DAB1: variants seen among roughly 807,000 people sequenced by gnomAD.
DAB1 encodes DAB adaptor protein 1.
A neutral mutation model predicts 64.6 loss-of-function variants in DAB1; 15 were observed. That is an observed-to-expected ratio of 0.23 (90% CI 0.16 to 0.36). The LOEUF is 0.36. Ranked by LOEUF, DAB1 falls within the 10% of genes least tolerant of loss-of-function variation. The pLI is 1.00. For missense variants in DAB1, 596 were observed against 706.7 expected (o/e 0.84, Z 1.78); for synonymous variants, 235 against 251.9 (o/e 0.93, Z 0.64).
At chr1:57,845,823 T>C (rs1177984917) in intron 1 of DAB1, among the ~76,000 whole-genome samples, 1 of 152,228 alleles carries the variant, frequency 6.6e-6, no homozygotes, top group African/African-American at 2.4e-5. Flanking sequence ...CTATAACTTT[T>C]ACCCATTGTA....
At chr1:58,518,255 AGAGGGGAGAGGAGAGAG>A (rs1646194379) in intron 2 of DAB1, among the ~76,000 whole-genome samples, 4 of 22,708 alleles carry the variant, frequency 1.8e-4, no homozygotes, top group Non-Finnish European at 2.6e-4. Context: ...GGGAGAGGGG[AGAGGGGAGAGGAGAGAG>A]GAGAGGAGAA....
chr1:57,962,471 A>T (rs1236799795), intron 5 of DAB1, among the ~76,000 whole-genome samples: 3 of 152,132 alleles, frequency 2.0e-5, no homozygotes, highest in Non-Finnish European at 4.4e-5. Flanking sequence ...TTAGAAAAAA[A>T]CTTCTTACCT....
At chr1:58,089,531 G>C (rs1271402591) in intron 5 of DAB1, among the ~76,000 whole-genome samples, 1 of 152,180 alleles carries the variant, frequency 6.6e-6, no homozygotes, top group Admixed American at 6.5e-5. Context: ...TTCTCTATTA[G>C]AAATCATGAG....
intron 3 of DAB1, among the ~76,000 whole-genome samples, chr1:57,140,125 G>A (rs1167687896): frequency 1.3e-5 from 2 of 152,122 alleles, no homozygotes; most frequent in African/African-American, 4.8e-5. Flanking sequence ...AGGCCCAGGA[G>A]ACAGCTCTGG....
intron 3 of DAB1, among the ~76,000 whole-genome samples, chr1:58,379,771 T>C (rs997276545): frequency 6.6e-6 from 1 of 152,196 alleles, no homozygotes; most frequent in African/African-American, 2.4e-5. Flanking sequence ...GGATGAGTAC[T>C]GTGGAGTAGG....
At chr1:57,661,769 A>G (rs527321502) in intron 6 of DAB1, among the ~76,000 whole-genome samples, 3 of 152,312 alleles carry the variant, frequency 2.0e-5, no homozygotes, top group East Asian at 1.9e-4. Context: ...GTTATGTTGT[A>G]TTTTAAAATT....
At chr1:57,531,327 T>A (rs1384790886) in intron 7 of DAB1, among the ~76,000 whole-genome samples, 1 of 152,076 alleles carries the variant, frequency 6.6e-6, no homozygotes, top group Non-Finnish European at 1.5e-5. Flanking sequence ...TGATTGTAAT[T>A]TTCCACTACC....
In DAB1 at chr1:57,773,903, A is replaced by C. The variant is rs532134299; in HGVS notation, n.551+110096T>G. Among the ~76,000 whole-genome samples, 403 of 152,156 alleles carry C rather than the reference A, an allele frequency of 2.6e-3. 3 individuals are homozygous for C. The highest frequency in any genetic ancestry group is 9.3e-3 in the African/African-American group (387 of 41,572). On this transcript the variant is annotated intron_variant and non_coding_transcript_variant, in intron 6 of 20. Coordinates refer to the DAB1 transcript ENST00000485760. ...TATTATGCGTTGTTACTGTAGTTTTATGAAAAGTCTTGAAATAAGGTATCG... is the reference window on the plus strand; with the variant it reads ...TATTATGCGTTGTTACTGTAGTTTTCTGAAAAGTCTTGAAATAAGGTATCG...
At chr1:57,258,576 G>A (rs182526029) in intron 2 of DAB1, among the ~76,000 whole-genome samples, 7 of 152,024 alleles carry the variant, frequency 4.6e-5, no homozygotes, top group African/African-American at 7.2e-5. Context: ...CTCCCAAATC[G>A]CTTTCCTCAT....
chr1:58,201,002 A>C (rs544453313), intron 4 of DAB1, among the ~76,000 whole-genome samples: 1 of 151,226 alleles, frequency 6.6e-6, no homozygotes, highest in South Asian at 2.1e-4. Context: ...TGAATAATGT[A>C]GTCTATTTTT....
intron 2 of DAB1, among the ~76,000 whole-genome samples, chr1:57,155,799 AT>A (rs1248045971): frequency 7.8e-6 from 1 of 128,390 alleles, no homozygotes; most frequent in African/African-American, 2.8e-5. Context: ...ATTTTATTAG[AT>A]TGCCTTTATT....
rs1644233266 is a variant in DAB1 at position 57,496,579 on chromosome 1, T to C, written n.625+153013A>G. On this transcript the variant is annotated intron_variant and non_coding_transcript_variant, in intron 7 of 20. Transcript: ENST00000485760. ...CAGGAGGCTCTCCTATTGCTGTTTTTCAAACATTAAAATAGACTCAGAAAG... is the reference window on the plus strand; with the variant it reads ...CAGGAGGCTCTCCTATTGCTGTTTTCCAAACATTAAAATAGACTCAGAAAG... 2.0e-5 allele frequency among the ~76,000 whole-genome samples: 3 copies of C among 152,188 alleles called. No individual in the cohort carries two copies. The South Asian group carries it at 6.2e-4, about 32-fold the overall frequency.
chr1:58,375,791 A>G (rs373588952), intron 3 of DAB1, among the ~76,000 whole-genome samples: 5 of 145,896 alleles, frequency 3.4e-5, no homozygotes, highest in Admixed American at 1.4e-4. Context: ...GGTAGAATTC[A>G]GCTGTGAATC....
At chr1:57,410,496 T>C (rs1047411176) in intron 1 of DAB1, among the ~76,000 whole-genome samples, 37 of 152,274 alleles carry the variant, frequency 2.4e-4, no homozygotes, top group African/African-American at 8.4e-4. Context: ...AAGAGACACA[T>C]ACCTTGGAAA....
At chr1:58,093,047 C>CT (rs1250427468) in intron 5 of DAB1, among the ~76,000 whole-genome samples, 5 of 152,214 alleles carry the variant, frequency 3.3e-5, no homozygotes, top group Non-Finnish European at 7.3e-5. Flanking sequence ...CAAACTTCCC[C>CT]TAGCCCCGAG....
chr1:57,366,615 A>G (rs1321738112), intron 1 of DAB1, among the ~76,000 whole-genome samples: 1 of 152,256 alleles, frequency 6.6e-6, no homozygotes, highest in Non-Finnish European at 1.5e-5. Flanking sequence ...TGGCTAATAC[A>G]TATGTTAAAA....
intron 7 of DAB1, among the ~76,000 whole-genome samples, chr1:57,598,273 C>T (rs563195367): frequency 9.3e-4 from 142 of 152,330 alleles, no homozygotes; most frequent in Non-Finnish European, 1.7e-3. Flanking sequence ...TGAGCCACGG[C>T]GCCCAGCCGG....
chr1:57,046,048 T>C (rs1648444762), intron 9 of DAB1, among the ~76,000 whole-genome samples: 1 of 152,182 alleles, frequency 6.6e-6, no homozygotes, highest in Admixed American at 6.5e-5. Flanking sequence ...ATGGAGAAAA[T>C]AATAGTTGTC....
chr1:57,532,334 TC>T (rs1190852833), intron 7 of DAB1, among the ~76,000 whole-genome samples: 12 of 152,124 alleles, frequency 7.9e-5, no homozygotes, highest in African/African-American at 2.7e-4. Flanking sequence ...ATTCATTCAT[TC>T]ATTCATTTAT....
Sources: allele counts gnomAD v4.1 joint callset (sites outside exome capture counted in the v4.1 genomes callset), GRCh38; gene constraint gnomAD v4.1.1; transcripts MANE v1.5; gene names NCBI Gene and HGNC (gene_info 2026-07-23, HGNC 2026-07-21).